Variants in TOGARAM2 observed in about 807,000 individuals in gnomAD.
TOGARAM2 encodes TOG array regulator of axonemal microtubules protein 2.
A neutral mutation model predicts 93.3 loss-of-function variants in TOGARAM2; 85 were observed. The observed-to-expected ratio is 0.91, with a 90% CI of 0.76 to 1.09. The LOEUF is 1.09. Ranked by LOEUF, TOGARAM2 falls within the 50% of genes least tolerant of loss-of-function variation. The pLI, the probability that TOGARAM2 is intolerant of heterozygous loss-of-function variation, is 0.00. For missense variants in TOGARAM2, 1,277 were observed against 1,334.5 expected, an observed-to-expected ratio of 0.96 and a Z score of 0.67; for synonymous variants, 593 against 552.8, an observed-to-expected ratio of 1.07 and a Z score of -1.02.
chr2:28,961,325 A>C (rs1671802330), intron 1 of TOGARAM2, among the ~76,000 whole-genome samples: 2 of 152,052 alleles, frequency 1.3e-5, no homozygotes, highest in Admixed American at 1.3e-4. Flanking sequence ...GCTTTGAGGT[A>C]TAATTTATTA....
rs1263106232 is a variant in TOGARAM2, at chr2:29,036,633, C to T, written c.2511C>T (p.Leu837=). Reference sequence around the variant, plus strand: ...CCTTCGCCAAGATGATCCCCCTCCTCAGAGAGAGCTTACACCCCATGCTGC... The same window carrying T: ...CCTTCGCCAAGATGATCCCCCTCCTTAGAGAGAGCTTACACCCCATGCTGC... ...LESFAKMIPL[L]RESLHPMLLS... Residue 837 remains leucine, a synonymous_variant, in exon 18 of 20, where the codon CTC becomes CTT. Coordinates refer to ENST00000379558, the MANE Select transcript of TOGARAM2 (RefSeq NM_199280.4). The T allele has an allele frequency of 6.2e-7, 1 of 1,613,994 alleles. No individual in the cohort carries two copies. The highest frequency in any genetic ancestry group is 8.5e-7 in the Non-Finnish European group (1 of 1,179,880).
At chr2:29,006,325 TGTGC>T (rs1175581546) in intron 6 of TOGARAM2, among the ~76,000 whole-genome samples, 2 of 143,456 alleles carry the variant, frequency 1.4e-5, no homozygotes, top group Non-Finnish European at 3.1e-5. Context: ...GTGTGGAGTG[TGTGC>T]ATGTGTGTGT....
intron 3 of TOGARAM2, among the ~76,000 whole-genome samples, chr2:28,998,868 T>A (rs552134285): frequency 1.2e-4 from 18 of 152,110 alleles, no homozygotes; most frequent in Non-Finnish European, 2.5e-4. Flanking sequence ...CCCTGGAGAT[T>A]GGTGGATGGT....
intron 6 of TOGARAM2, among the ~76,000 whole-genome samples, chr2:29,011,072 G>A (rs916560438): frequency 3.3e-5 from 5 of 152,190 alleles, no homozygotes; most frequent in East Asian, 1.9e-4. Flanking sequence ...GCTCAGTGCT[G>A]TCTAAGCTGG....
intron 16 of TOGARAM2, among the ~76,000 whole-genome samples, chr2:29,034,199 G>C (rs1350637524): frequency 6.6e-6 from 1 of 151,860 alleles, no homozygotes; most frequent in Non-Finnish European, 1.5e-5. Flanking sequence ...AGCAGCACCT[G>C]GGATAAGCAA....
chr2:29,031,918 C>T (rs566412909), intron 14 of TOGARAM2, among the ~76,000 whole-genome samples: 5 of 152,304 alleles, frequency 3.3e-5, no homozygotes, highest in African/African-American at 9.6e-5. Context: ...TAGATGCTTC[C>T]TGCTTCACTT....
chr2:28,960,784 G>A (rs563828691), intron 1 of TOGARAM2, among the ~76,000 whole-genome samples: 2 of 152,286 alleles, frequency 1.3e-5, no homozygotes, highest in Admixed American at 1.3e-4. Flanking sequence ...GTCATTCACC[G>A]CAGGTGGCCA....
intron 1 of TOGARAM2, among the ~76,000 whole-genome samples, chr2:28,969,707 A>T (rs1464674393): frequency 6.6e-6 from 1 of 152,206 alleles, no homozygotes; most frequent in Non-Finnish European, 1.5e-5. Flanking sequence ...AATGAGAGAT[A>T]ACTCTTATAA....
At chr2:29,035,951 G>A (rs923978894) in intron 17 of TOGARAM2, among the ~76,000 whole-genome samples, 11 of 152,286 alleles carry the variant, frequency 7.2e-5, no homozygotes, top group African/African-American at 2.4e-4. Context: ...GGGGAGCTAG[G>A]TGCATCATGT....
intron 9 of TOGARAM2, 50 bp from the exon 10 acceptor site, chr2:29,017,742 C>A (rs762379768): frequency 6.0e-6 from 9 of 1,505,252 alleles, no homozygotes; most frequent in Non-Finnish European, 8.0e-6. Flanking sequence ...GACATTGAGG[C>A]CAGGGGAAAA....
chr2:29,005,417 G>GTGCA (rs1177407746), intron 6 of TOGARAM2, among the ~76,000 whole-genome samples: 2 of 127,930 alleles, frequency 1.6e-5, no homozygotes, highest in Admixed American at 7.2e-5. Context: ...GTGTGCGTGT[G>GTGCA]TGAGAGCATG....
At chr2:29,027,715 T>A (rs1281273255) in intron 14 of TOGARAM2, among the ~76,000 whole-genome samples, 1 of 151,790 alleles carries the variant, frequency 6.6e-6, no homozygotes, top group Admixed American at 6.6e-5. Flanking sequence ...ATGGAGTTGG[T>A]GGGGGGGCTG....
chr2:28,963,498 C>T (rs1179590419), intron 1 of TOGARAM2, among the ~76,000 whole-genome samples: 1 of 152,056 alleles, frequency 6.6e-6, no homozygotes, highest in East Asian at 1.9e-4. Context: ...CCTCAGCTTC[C>T]CAAGTAGCTA....
chr2:29,029,220 C>T lies in TOGARAM2; in HGVS notation c.2012+2209C>T, dbSNP rs143516231. Among the ~76,000 whole-genome samples, 408 of 151,282 alleles carry T rather than the reference C, an allele frequency of 2.7e-3. 2 individuals are homozygous for T. The highest frequency in any genetic ancestry group is 9.0e-3 in the African/African-American group (372 of 41,268). ...GCCCAAATGCCTCATCATCAATCAA[C>T]GAGTGGCTAAAGAAACTGTGATATG... is the stretch of plus-strand genomic sequence containing the variant. On this transcript the variant is annotated intron_variant, in intron 14 of 19. Transcript: ENST00000379558.
At chr2:29,037,434 C>T (rs993579503) in intron 18 of TOGARAM2, among the ~76,000 whole-genome samples, 7 of 152,184 alleles carry the variant, frequency 4.6e-5, no homozygotes, top group East Asian at 1.9e-4. Context: ...TGCTTCAGTA[C>T]GAGGAAGCCA....
chr2:28,996,799 CAAAA>C lies in TOGARAM2; in HGVS notation c.29-1322_29-1319del, dbSNP rs1170607481. Among the ~76,000 whole-genome samples the C allele has an allele frequency of 1.7e-4, 7 of 40,714 alleles. No homozygotes were observed. In the Admixed American group the frequency reaches 1.9e-3, roughly 11 times the overall value. 26.7% of individuals were successfully genotyped at this position (40,714 alleles called of 152,430 possible). ...AGATCGCACCACTGAGACTCCATCT[CAAAA>C]AAAAAAAAAAAAAAAAAAAAAGATA... On this transcript the variant is annotated intron_variant, in intron 2 of 19. Transcript: ENST00000379558.
intron 3 of TOGARAM2, 104 bp from the exon 4 acceptor site, chr2:28,999,077 C>A (rs1673141571): frequency 2.5e-6 from 3 of 1,215,486 alleles, no homozygotes; most frequent in East Asian, 2.5e-5. Context: ...TTTCACCAGG[C>A]AAGTGGCTGC....
chr2:29,022,982 G>GA (rs753613242), intron 11 of TOGARAM2, 104 bp from the exon 12 acceptor site: 30 of 911,666 alleles, frequency 3.3e-5, no homozygotes, highest in Non-Finnish European at 4.9e-5. Flanking sequence ...TGCTGCGGGT[G>GA]ACGGTGGACC....
chr2:29,022,067 G>A, intron 10 of TOGARAM2, 91 bp from the exon 11 acceptor site: 3 of 1,555,068 alleles, frequency 1.9e-6, no homozygotes, highest in Non-Finnish European at 2.6e-6. Flanking sequence ...TGGTGGCACG[G>A]CCTCCCATGG....
Sources: allele counts gnomAD v4.1 joint callset (sites outside exome capture counted in the v4.1 genomes callset), GRCh38; gene constraint gnomAD v4.1.1; transcripts MANE v1.5; gene names NCBI Gene and HGNC (gene_info 2026-07-23, HGNC 2026-07-21).